The following ERCC6 variants were observed in gnomAD, a reference collection of about 807,000 sequenced individuals.
The protein encoded by ERCC6 is ERCC excision repair 6, chromatin remodeling factor.
ERCC6 carries 116 observed loss-of-function variants against 158.7 expected under a neutral mutation model. The ratio of observed to expected loss-of-function variants is 0.73; its 90% confidence interval spans 0.63 to 0.85. The LOEUF (loss-of-function observed/expected upper bound fraction) is 0.85, where lower values mean the gene tolerates loss of function less well. Ranked by LOEUF, ERCC6 falls within the 40% of genes least tolerant of loss-of-function variation. ERCC6 has a pLI of 0.00. For missense variants in ERCC6, 1,698 were observed against 1,799.4 expected, an observed-to-expected ratio of 0.94 and a Z score of 1.02; for synonymous variants, 678 against 659.3, an observed-to-expected ratio of 1.03 and a Z score of -0.43.
intron 5 of ERCC6, among the ~76,000 whole-genome samples, chr10:49,509,140 T>C (rs1851494381): frequency 6.6e-6 from 1 of 152,148 alleles, no homozygotes; most frequent in Admixed American, 6.5e-5. Flanking sequence ...AGCATCTAAG[T>C]TTCCTCCACT....
At position 49,516,715 on chromosome 10, in the gene ERCC6, C is replaced by T. The variant is rs577303652; in HGVS notation, c.1397+7318G>A. ...GGAGTTCTCATTACGGTGAAGAAATCGTTTGGTGGTGCTGTAACTCTACCT... is the reference window on the plus strand; with the variant it reads ...GGAGTTCTCATTACGGTGAAGAAATTGTTTGGTGGTGCTGTAACTCTACCT... On this transcript the variant is annotated intron_variant, in intron 5 of 20. Transcript: ENST00000355832. 2.2e-5 allele frequency: 36 copies of T among 1,613,870 alleles called. No homozygotes were observed. In the Admixed American group the frequency reaches 3.2e-4, roughly 14 times the overall value.
Position 49,466,973 on chromosome 10 carries a change from G to A in ERCC6, c.3778+3209C>T, listed in dbSNP as rs1000862442. On this transcript the variant is annotated intron_variant, in intron 18 of 20. Coordinates refer to ENST00000355832, the MANE Select transcript of ERCC6 (RefSeq NM_000124.4). ...ATTTTTGTATTTTTGTAGAGATGGA[G>A]TTTCACCATGTTGTCCAGGTTGGTC... Among the ~76,000 whole-genome samples, 9 of 152,110 alleles carry A rather than the reference G, an allele frequency of 5.9e-5. No individual in the cohort carries two copies. The South Asian group carries it at 1.7e-3, about 28-fold the overall frequency.
the ERCC6 span, among the ~76,000 whole-genome samples, chr10:49,444,680 G>A: frequency 6.6e-6 from 1 of 152,176 alleles, no homozygotes; most frequent in Admixed American, 6.5e-5. Flanking sequence ...CTTCCAAAAT[G>A]TACAAAAGCC....
At chr10:49,534,993 C>A (rs188527662) in intron 1 of ERCC6, among the ~76,000 whole-genome samples, 1 of 152,158 alleles carries the variant, frequency 6.6e-6, no homozygotes, top group South Asian at 2.1e-4. Flanking sequence ...AGAGGTCACA[C>A]GAGCATCGAG....
chr10:49,473,545 T>C lies in ERCC6; in HGVS notation c.2641A>G (p.Thr881Ala). Residue 881 changes from threonine (T) to alanine (A), a missense_variant, in exon 14 of 21, where the codon ACC (threonine) becomes GCC (alanine). By Grantham distance (58) the Thr-to-Ala change is moderately conservative (BLOSUM62 0). Coordinates refer to ENST00000355832, the MANE Select transcript of ERCC6 (RefSeq NM_000124.4). ...LEVFLRAQKY[T>A]YLKMDGTTTI... Reference sequence around the variant, plus strand: ...GTGGTACCATCCATCTTGAGATAGGTATACTTTTGGGCTCTAAGGAATACT... The same window carrying C: ...GTGGTACCATCCATCTTGAGATAGGCATACTTTTGGGCTCTAAGGAATACT... The C allele has an allele frequency of 1.4e-5, 23 of 1,613,426 alleles. No individual in the cohort carries two copies. Among genetic ancestry groups the C allele is most frequent in the Non-Finnish European group, 2.0e-5 (23 of 1,179,322 alleles).
chr10:49,475,386 T>G (rs186532065), intron 12 of ERCC6: 1 of 446,104 alleles, frequency 2.2e-6, no homozygotes, highest in South Asian at 1.6e-5. Context: ...CAAGTGTAGT[T>G]TGCATTCCCT....
At chr10:49,533,850 T>C (rs1837529874) in intron 1 of ERCC6, among the ~76,000 whole-genome samples, 1 of 151,954 alleles carries the variant, frequency 6.6e-6, no homozygotes, top group Admixed American at 6.6e-5. Context: ...TTCTCAAAAA[T>C]AGGCTGGGCA....
intron 3 of ERCC6, among the ~76,000 whole-genome samples, chr10:49,529,887 A>G (rs4253032): frequency 6.6e-6 from 1 of 152,230 alleles, no homozygotes; most frequent in Admixed American, 6.5e-5. Flanking sequence ...CCTTAAAAAA[A>G]GTTTCAAACT....
chr10:49,518,075 G>A lies in ERCC6; in HGVS notation c.1397+5958C>T, dbSNP rs958393301. 7.2e-5 allele frequency among the ~76,000 whole-genome samples: 11 copies of A among 152,356 alleles called. No homozygotes were observed. The East Asian group carries it at 2.1e-3, about 29-fold the overall frequency. On this transcript the variant is annotated intron_variant, in intron 5 of 20. Coordinates refer to ENST00000355832, the MANE Select transcript of ERCC6 (RefSeq NM_000124.4). ...CCTAAAATTGCTAAATCCTCATCGG[G>A]TGCAAACCAGGATCCAACTGAAGGA...
chr10:49,455,961 G>A lies in ERCC6; in HGVS notation c.*2854C>T, dbSNP rs1850477598. ...TGCAAGCAATTCTGCTACATCCACTGACATTTAAAATCTACATCATTAATC... is the reference window on the plus strand; with the variant it reads ...TGCAAGCAATTCTGCTACATCCACTAACATTTAAAATCTACATCATTAATC... On this transcript the variant is annotated 3_prime_UTR_variant, in exon 21 of 21. Transcript: ENST00000355832. 6.6e-6 allele frequency: 1 copy of A among 152,180 alleles called. No homozygotes were observed. Among genetic ancestry groups the A allele is most frequent in the East Asian group, 1.9e-4 (1 of 5,198 alleles). 9.4% of individuals were successfully genotyped at this position (152,180 alleles called of 1,614,324 possible). A position where few individuals can be genotyped will look rare whatever the true frequency, so the allele number is the denominator to read the frequency against.
At chr10:49,460,214 CAAGTG>C in intron 20 of ERCC6, 154 bp downstream of exon 20, 1 of 674,552 alleles carries the variant, frequency 1.5e-6, no homozygotes, top group South Asian at 1.6e-5. Context: ...CTTTTAGATT[CAAGTG>C]AATGTGCATC....
chr10:49,444,820 A>G, the ERCC6 span, among the ~76,000 whole-genome samples: 9 of 152,206 alleles, frequency 5.9e-5, no homozygotes, highest in African/African-American at 2.2e-4. Flanking sequence ...ACATGCATGC[A>G]TGCACACACA....
chr10:49,522,339 A>G (rs1837189788), intron 5 of ERCC6, among the ~76,000 whole-genome samples: 1 of 152,202 alleles, frequency 6.6e-6, no homozygotes, highest in Non-Finnish European at 1.5e-5. Flanking sequence ...ACCAAACAGC[A>G]CCAAAGGAGA....
chr10:49,458,852 C>A lies in ERCC6; in HGVS notation c.4445G>T (p.Gly1482Val), dbSNP rs574307052. The A allele has an allele frequency of 3.1e-6, 5 of 1,614,186 alleles. No homozygotes were observed. The highest frequency in any genetic ancestry group is 1.7e-5 in the Admixed American group (1 of 60,028). ...TGGCTTGAGTTTCCAAATTCCTTCA[C>A]CACCAGAAGTTCTATGGAAAGTGCA... is the stretch of plus-strand genomic sequence containing the variant. The part of the protein sequence containing the change: ...NLCTFHRTSG[G>V]EGIWKLKPEY... Residue 1482 changes from glycine to valine, a missense_variant, in exon 21 of 21, where the codon GGT becomes GTT. Coordinates refer to ENST00000355832, the MANE Select transcript of ERCC6 (RefSeq NM_000124.4).
intron 10 of ERCC6, among the ~76,000 whole-genome samples, chr10:49,480,404 T>C (rs565079376): frequency 6.6e-6 from 1 of 152,210 alleles, no homozygotes; most frequent in Admixed American, 6.5e-5. Context: ...AGCACCAGCA[T>C]GACAGAATAA....
chr10:49,454,431 G>C (rs925277758), downstream of ERCC6, among the ~76,000 whole-genome samples: 1 of 152,184 alleles, frequency 6.6e-6, no homozygotes, highest in Non-Finnish European at 1.5e-5. Context: ...GAGTGAGTGT[G>C]TTGTGGCTGA....
At chr10:49,484,910 A>G (rs1851050577) in intron 8 of ERCC6, among the ~76,000 whole-genome samples, 2 of 152,232 alleles carry the variant, frequency 1.3e-5, no homozygotes, top group African/African-American at 4.8e-5. Flanking sequence ...ACGTAATTCT[A>G]AGAAGGAAAA....
chr10:49,448,529 C>G, the ERCC6 span, among the ~76,000 whole-genome samples: 1 of 152,168 alleles, frequency 6.6e-6, no homozygotes, highest in African/African-American at 2.4e-5. Context: ...AAGATACATG[C>G]AACCATCACC....
In ERCC6 at chr10:49,530,825, G is replaced by A. The variant is rs138756386; in HGVS notation, c.438C>T (p.Ser146=). Residue 146 remains serine (S), a synonymous_variant, in exon 3 of 21, where the codon TCC becomes TCT. Transcript: ENST00000355832. ...VLDDLTSCTT[S]LRQINKIIEQ... ...CAATAATTTTATTGATTTGCCTTAG[G>A]GATGTCGTACATGACCTGAAAAATA... 1.6e-4 allele frequency: 251 copies of A among 1,613,370 alleles called. 3 individuals carry two copies. The African/African-American group carries it at 2.7e-3, about 17-fold the overall frequency.
Sources: gnomAD v4.1 joint callset for allele counts (sites outside exome capture counted in the v4.1 genomes callset) on GRCh38, gnomAD v4.1.1 for gene constraint, MANE v1.5 for transcripts, NCBI Gene and HGNC (gene_info 2026-07-23, HGNC 2026-07-21) for gene names.